The following SLC2A9 variants were observed in gnomAD, a reference collection of about 807,000 sequenced individuals.
SLC2A9 encodes the protein solute carrier family 2, facilitated glucose transporter member 9.
Under a neutral mutation model 50.6 loss-of-function variants are expected in SLC2A9, and 39 were observed. That is an observed-to-expected ratio of 0.77 (90% CI 0.60 to 1.01). The LOEUF (loss-of-function observed/expected upper bound fraction) is 1.01. SLC2A9 is among the 50% of genes least tolerant of loss of function. SLC2A9 has a pLI of 0.00. For synonymous variants in SLC2A9, 324 were observed against 276.9 expected (o/e 1.17, Z -1.69); for missense variants, 686 against 677.6 (o/e 1.01, Z -0.14).
chr4:9,817,607 T>G (rs530196853), intron 3 of SLC2A9, among the ~76,000 whole-genome samples: 2 of 152,368 alleles, frequency 1.3e-5, no homozygotes, highest in African/African-American at 4.8e-5. Context: ...TGCAAATGTT[T>G]AAAACGTGTT....
chr4:10,001,638 C>T (rs1235147303), intron 2 of SLC2A9, among the ~76,000 whole-genome samples: 1 of 152,218 alleles, frequency 6.6e-6, no homozygotes, highest in East Asian at 1.9e-4. Context: ...CTGCCATCCC[C>T]TCACTGGGGC....
At chr4:9,880,462 T>C (rs1735013130) in intron 10 of SLC2A9, 4 of 985,132 alleles carry the variant, frequency 4.1e-6, no homozygotes, top group Admixed American at 1.2e-4. Context: ...AAATGCAGCA[T>C]GTTCTACAGT....
At chr4:9,814,358 T>G (rs1723283503) in intron 3 of SLC2A9, among the ~76,000 whole-genome samples, 1 of 152,228 alleles carries the variant, frequency 6.6e-6, no homozygotes, top group Non-Finnish European at 1.5e-5. Flanking sequence ...GGTAGATGAA[T>G]GAATTAACCA....
chr4:10,037,455 T>C (rs138385546), intron 1 of SLC2A9, among the ~76,000 whole-genome samples: 31 of 152,328 alleles, frequency 2.0e-4, no homozygotes, highest in African/African-American at 7.2e-4. Context: ...CAGTGCTCTT[T>C]ACATTTTCTC....
upstream of SLC2A9, among the ~76,000 whole-genome samples, chr4:10,025,004 G>C (rs1350075242): frequency 6.6e-6 from 1 of 152,166 alleles, no homozygotes. Flanking sequence ...CTTGCGTGGG[G>C]TCTTGGGTAA....
In SLC2A9 at chr4:9,920,493, G is replaced by A. The variant is rs769923600; in HGVS notation, c.894C>T (p.Ser298=). Residue 298 remains serine, a synonymous_variant, in exon 7 of 12, where the codon AGC becomes AGT. Transcript: ENST00000264784. ...EVLAESRVQR[S]IRLVSVLELL... is the part of the protein sequence containing the mutation. ...GCTCCAGCACGGACACCAGGCGGATGCTCCTCTGCACGCGGCTCTCAGCCA... is the reference window on the plus strand; with the variant it reads ...GCTCCAGCACGGACACCAGGCGGATACTCCTCTGCACGCGGCTCTCAGCCA... 6 of 1,614,190 alleles carry A rather than the reference G, an allele frequency of 3.7e-6. No homozygotes were observed. Among genetic ancestry groups the A allele is most frequent in the Non-Finnish European group, 5.1e-6 (6 of 1,180,038 alleles).
chr4:9,944,100 G>T (rs1413582023), intron 5 of SLC2A9, among the ~76,000 whole-genome samples: 1 of 152,236 alleles, frequency 6.6e-6, no homozygotes, highest in Non-Finnish European at 1.5e-5. Flanking sequence ...CCCCAGCATA[G>T]GAACAGCATG....
intron 7 of SLC2A9, among the ~76,000 whole-genome samples, chr4:9,909,858 C>A (rs1475050487): frequency 1.3e-5 from 2 of 152,236 alleles, no homozygotes; most frequent in Non-Finnish European, 2.9e-5. Flanking sequence ...ACTTATTCAG[C>A]AGAAGTGTTA....
At chr4:9,809,097 G>T (rs943123622) in intron 3 of SLC2A9, among the ~76,000 whole-genome samples, 13 of 152,300 alleles carry the variant, frequency 8.5e-5, no homozygotes, top group Non-Finnish European at 1.8e-4. Flanking sequence ...TCGACATGAT[G>T]TGGCTTGGTA....
chr4:9,920,498 T>C lies in SLC2A9; in HGVS notation c.889A>G (p.Arg297Gly). 1.2e-6 allele frequency: 2 copies of C among 1,614,192 alleles called. No homozygotes were observed. Among genetic ancestry groups the C allele is most frequent in the South Asian group, 1.1e-5 (1 of 91,084 alleles). Residue 297 changes from arginine to glycine, a missense_variant, in exon 7 of 12, where the codon AGG becomes GGG. Coordinates refer to ENST00000264784, the MANE Select transcript of SLC2A9 (RefSeq NM_020041.3). The part of the protein sequence containing the change: ...EEVLAESRVQ[R>G]SIRLVSVLEL... ...AGCACGGACACCAGGCGGATGCTCC[T>C]CTGCACGCGGCTCTCAGCCAGGACC...
intron 3 of SLC2A9, among the ~76,000 whole-genome samples, chr4:9,805,151 A>G (rs1721957815): frequency 6.6e-6 from 1 of 152,076 alleles, no homozygotes; most frequent in African/African-American, 2.4e-5. Context: ...CAATCCCTGA[A>G]TCTCAGTGGT....
chr4:9,872,730 A>C (rs1733653076), intron 10 of SLC2A9, among the ~76,000 whole-genome samples: 1 of 151,116 alleles, frequency 6.6e-6, no homozygotes, highest in Non-Finnish European at 1.5e-5. Flanking sequence ...GAACAACAAC[A>C]AAAAAAACAT....
chr4:10,035,209 G>A (rs1478823263), intron 1 of SLC2A9: 1 of 152,236 alleles, frequency 6.6e-6, no homozygotes, highest in African/African-American at 2.4e-5. Flanking sequence ...CACCCAGGCT[G>A]GGCTCGGGCT....
upstream of SLC2A9, among the ~76,000 whole-genome samples, chr4:10,023,759 T>A (rs1353633846): frequency 6.7e-6 from 1 of 148,438 alleles, no homozygotes; most frequent in African/African-American, 2.6e-5. Flanking sequence ...TTCACCTTCA[T>A]GATATCGTTT....
chr4:9,809,437 CTG>C (rs1722556281), intron 3 of SLC2A9, among the ~76,000 whole-genome samples: 1 of 152,204 alleles, frequency 6.6e-6, no homozygotes, highest in South Asian at 2.1e-4. Flanking sequence ...CAGAAATACT[CTG>C]TGGACCACAG....
chr4:10,007,160 G>A (rs954491609), intron 2 of SLC2A9, among the ~76,000 whole-genome samples: 2 of 152,216 alleles, frequency 1.3e-5, no homozygotes, highest in East Asian at 3.9e-4. Context: ...TCATGCCAGT[G>A]AATTATCCTA....
At chr4:9,808,286 A>C (rs919367858) in intron 3 of SLC2A9, among the ~76,000 whole-genome samples, 4 of 152,136 alleles carry the variant, frequency 2.6e-5, no homozygotes, top group African/African-American at 9.7e-5. Flanking sequence ...GCCCCAGTTC[A>C]CCCTGGTACC....
chr4:9,947,573 T>C (rs1032390872), intron 5 of SLC2A9, among the ~76,000 whole-genome samples: 6 of 152,330 alleles, frequency 3.9e-5, no homozygotes, highest in South Asian at 4.1e-4. Context: ...CCCGAGCAGT[T>C]ATTAATAGCA....
In SLC2A9 at chr4:9,858,110, G is replaced by A. The variant is rs770889321; in HGVS notation, c.1292-23102C>T. Among the ~76,000 whole-genome samples, 17 of 152,276 alleles carry A rather than the reference G, an allele frequency of 1.1e-4. 2 individuals carry two copies. In the Middle Eastern group the frequency reaches 0.037, roughly 335 times the overall value. ...AAAAGGGTTTATTGTATTATGATAT[G>A]GGGAGAAAGAACATACTGAGTTGTA... On this transcript the variant is annotated intron_variant, in intron 10 of 11. Coordinates refer to ENST00000264784, the MANE Select transcript of SLC2A9 (RefSeq NM_020041.3).
Sources: allele counts gnomAD v4.1 joint callset (sites outside exome capture counted in the v4.1 genomes callset), GRCh38; gene constraint gnomAD v4.1.1; transcripts MANE v1.5; gene names NCBI Gene and HGNC (gene_info 2026-07-23, HGNC 2026-07-21).